ATP2B2: variants seen among roughly 807,000 people sequenced by gnomAD.
ATP2B2 encodes the protein plasma membrane calcium-transporting ATPase 2.
Under a neutral mutation model 120.0 loss-of-function variants are expected in ATP2B2, and 15 were observed. The ratio of observed to expected loss-of-function variants is 0.12; its 90% confidence interval spans 0.08 to 0.19. The LOEUF (loss-of-function observed/expected upper bound fraction) is 0.19. Ranked by LOEUF, ATP2B2 falls within the 10% of genes least tolerant of loss-of-function variation. The pLI is 1.00. For synonymous variants in ATP2B2, 694 were observed against 700.3 expected, an observed-to-expected ratio of 0.99 and a Z score of 0.14; for missense variants, 1,045 against 1,719.8, an observed-to-expected ratio of 0.61 and a Z score of 6.94.
intron 2 of ATP2B2, among the ~76,000 whole-genome samples, chr3:10,440,689 T>C (rs528441635): frequency 1.3e-5 from 2 of 152,302 alleles, no homozygotes; most frequent in African/African-American, 4.8e-5. Context: ...CCCAATCAGG[T>C]GGGGATCACT....
At chr3:10,514,280 A>G (rs2066832995) in intron 3 of ATP2B2, among the ~76,000 whole-genome samples, 1 of 152,046 alleles carries the variant, frequency 6.6e-6, no homozygotes, top group Non-Finnish European at 1.5e-5. Context: ...GGTTGAGGGG[A>G]GCAGGGAAGA....
intron 2 of ATP2B2, among the ~76,000 whole-genome samples, chr3:10,617,430 C>A (rs1439591838): frequency 6.6e-6 from 1 of 152,182 alleles, no homozygotes; most frequent in Non-Finnish European, 1.5e-5. Flanking sequence ...ACAGCCATCC[C>A]CGGCTAAAAT....
At chr3:10,411,103 T>G (rs1174802753) in intron 2 of ATP2B2, among the ~76,000 whole-genome samples, 9 of 152,132 alleles carry the variant, frequency 5.9e-5, no homozygotes, top group African/African-American at 2.2e-4. Context: ...GTACTTAAGT[T>G]AAGGATATCA....
intron 3 of ATP2B2, among the ~76,000 whole-genome samples, chr3:10,403,247 G>A (rs1185612616): frequency 2.6e-5 from 4 of 152,204 alleles, no homozygotes; most frequent in African/African-American, 9.6e-5. Flanking sequence ...CTTGTCAGAC[G>A]TCAGCTGAGG....
In ATP2B2 at chr3:10,503,595, G is replaced by A. The variant is rs371626295; in HGVS notation, c.-320+1870C>T. ...CTTGCCTCCTGGAAGCTGAGGGGGC[G>A]GGTGTGTGCACGCAGCATCCGCAGA... On this transcript the variant is annotated intron_variant, in intron 1 of 22. Coordinates refer to ENST00000360273, the MANE Select transcript of ATP2B2 (RefSeq NM_001001331.4). Among the ~76,000 whole-genome samples, 63 of 152,376 alleles carry A rather than the reference G, an allele frequency of 4.1e-4. No individual in the cohort carries two copies. In the South Asian group the frequency reaches 0.01, roughly 25 times the overall value.
chr3:10,620,512 G>T (rs577042286), intron 1 of ATP2B2, among the ~76,000 whole-genome samples: 3 of 152,286 alleles, frequency 2.0e-5, no homozygotes, highest in African/African-American at 7.2e-5. Context: ...GCAGGAGTAG[G>T]GAAACCTGGA....
chr3:10,687,275 T>C (rs1007624494), intron 1 of ATP2B2, among the ~76,000 whole-genome samples: 5 of 152,166 alleles, frequency 3.3e-5, no homozygotes, highest in African/African-American at 1.2e-4. Flanking sequence ...AAAGTGTTGC[T>C]GTGAGGATTA....
chr3:10,602,734 G>A (rs186506303), intron 2 of ATP2B2, among the ~76,000 whole-genome samples: 1 of 152,220 alleles, frequency 6.6e-6, no homozygotes, highest in East Asian at 1.9e-4. Context: ...CGCGTGGGTT[G>A]TTTACAGATA....
At chr3:10,693,214 G>C (rs914936466) in intron 1 of ATP2B2, among the ~76,000 whole-genome samples, 4 of 152,210 alleles carry the variant, frequency 2.6e-5, no homozygotes, top group Non-Finnish European at 5.9e-5. Context: ...TGATGACACA[G>C]TTGAAAGAAA....
intron 2 of ATP2B2, among the ~76,000 whole-genome samples, chr3:10,562,401 A>G (rs536824956): frequency 6.6e-6 from 1 of 152,094 alleles, no homozygotes; most frequent in South Asian, 2.1e-4. Flanking sequence ...CCTAAGTGGT[A>G]TGTTCTCAGA....
chr3:10,609,359 G>A (rs2069168420), intron 2 of ATP2B2, among the ~76,000 whole-genome samples: 1 of 152,022 alleles, frequency 6.6e-6, no homozygotes, highest in Non-Finnish European at 1.5e-5. Context: ...GCCCACAGCC[G>A]CCCCCACCCA....
rs1429671557 is a variant in ATP2B2 at position 10,346,747 on chromosome 3, C to T, written c.2405-610G>A. On this transcript the variant is annotated intron_variant, in intron 16 of 22. Transcript: ENST00000360273. The surrounding 1 kb of genome is among the most constrained non-coding windows in gnomAD (Gnocchi z 4.1). Reference sequence around the variant, plus strand: ...GTGGAAAAGGGTGGGTGAAGGATGTCATCGGTGGGGACCTGTGGAGTTTGT... The same window carrying T: ...GTGGAAAAGGGTGGGTGAAGGATGTTATCGGTGGGGACCTGTGGAGTTTGT... Among the ~76,000 whole-genome samples the T allele has an allele frequency of 6.6e-6, 1 of 152,174 alleles. No homozygotes were observed. Among genetic ancestry groups the T allele is most frequent in the East Asian group, 1.9e-4 (1 of 5,194 alleles).
chr3:10,421,374 C>T (rs1349124524), intron 2 of ATP2B2, among the ~76,000 whole-genome samples: 1 of 152,170 alleles, frequency 6.6e-6, no homozygotes. Context: ...TCCCTGAAAG[C>T]TGCCAACAGT....
At chr3:10,512,481 C>G (rs7632104) in intron 3 of ATP2B2, among the ~76,000 whole-genome samples, 55 of 137,748 alleles carry the variant, frequency 4.0e-4, no homozygotes, top group African/African-American at 1.4e-3. Flanking sequence ...CACACACACA[C>G]ACACACACAC....
intron 2 of ATP2B2, among the ~76,000 whole-genome samples, chr3:10,611,469 C>T (rs1235421287): frequency 1.4e-5 from 2 of 148,038 alleles, no homozygotes; most frequent in African/African-American, 2.5e-5. Context: ...TTGCTTCAGT[C>T]CTGTCCACCG....
At chr3:10,336,024 T>G in intron 22 of ATP2B2, 1 of 1,366,248 alleles carries the variant, frequency 7.3e-7, no homozygotes, top group Non-Finnish European at 9.9e-7. Flanking sequence ...CCCCTGGGCC[T>G]GATTGTGACC....
chr3:10,705,796 C>T (rs1293881533), intron 1 of ATP2B2, among the ~76,000 whole-genome samples: 1 of 152,224 alleles, frequency 6.6e-6, no homozygotes, highest in East Asian at 1.9e-4. Context: ...GGTATATAAA[C>T]TCCACAAGGT....
chr3:10,560,439 C>T (rs560678146), intron 2 of ATP2B2, among the ~76,000 whole-genome samples: 34 of 150,702 alleles, frequency 2.3e-4, no homozygotes, highest in African/African-American at 8.1e-4. Context: ...TCAGCTGGGC[C>T]GTCTTCTGAG....
intron 19 of ATP2B2, among the ~76,000 whole-genome samples, chr3:10,341,773 C>T (rs1429818714): frequency 1.3e-5 from 2 of 152,240 alleles, no homozygotes; most frequent in East Asian, 3.9e-4. Flanking sequence ...CCAACCCCTC[C>T]ACCTCCTCTG....
Sources: gnomAD v4.1 joint callset for allele counts (sites outside exome capture counted in the v4.1 genomes callset) on GRCh38, gnomAD v4.1.1 for gene constraint, Gnocchi (gnomAD v3.1) non-coding constraint, MANE v1.5 for transcripts, NCBI Gene and HGNC (gene_info 2026-07-23, HGNC 2026-07-21) for gene names.